Variants in AFG1L observed in about 807,000 individuals in gnomAD.
AFG1L encodes the protein AFG1-like ATPase.
A neutral mutation model predicts 62.2 loss-of-function variants in AFG1L; 53 were observed. That is an observed-to-expected ratio of 0.85 (90% CI 0.68 to 1.07). The LOEUF (loss-of-function observed/expected upper bound fraction) is 1.07. Among genes scored for constraint, AFG1L ranks in the 50% least tolerant of loss-of-function variants. The probability of loss-of-function intolerance (pLI) is 0.00; values close to 1 mark genes in which losing one functional copy is unlikely to be tolerated. For missense variants in AFG1L, 555 were observed against 590.5 expected, an observed-to-expected ratio of 0.94 and a Z score of 0.62; for synonymous variants, 228 against 210.3, an observed-to-expected ratio of 1.08 and a Z score of -0.73.
chr6:108,446,197 G>A (rs1316788455), intron 7 of AFG1L, among the ~76,000 whole-genome samples: 3 of 152,062 alleles, frequency 2.0e-5, no homozygotes, highest in Non-Finnish European at 4.4e-5. Context: ...AAGAATTTGG[G>A]ATGTGTGTGG....
intron 1 of AFG1L, among the ~76,000 whole-genome samples, chr6:108,322,603 G>A (rs756473232): frequency 1.3e-5 from 2 of 152,124 alleles, no homozygotes; most frequent in East Asian, 1.9e-4. Flanking sequence ...GAAGACAGCC[G>A]TCCCTATCTC....
At chr6:108,461,308 G>A (rs536266558) in intron 8 of AFG1L, among the ~76,000 whole-genome samples, 3 of 152,276 alleles carry the variant, frequency 2.0e-5, no homozygotes, top group South Asian at 4.1e-4. Flanking sequence ...GTAGATGCAC[G>A]GTAGTATCTT....
At chr6:108,331,695 T>C (rs1417998340) in intron 2 of AFG1L, among the ~76,000 whole-genome samples, 1 of 152,232 alleles carries the variant, frequency 6.6e-6, no homozygotes, top group Non-Finnish European at 1.5e-5. Context: ...GCATAAATGG[T>C]AAGTAGTTCA....
chr6:108,390,814 G>C (rs1373071163), intron 6 of AFG1L, among the ~76,000 whole-genome samples: 3 of 152,194 alleles, frequency 2.0e-5, no homozygotes, highest in Non-Finnish European at 4.4e-5. Context: ...CCTGGGTCAG[G>C]GACCTACTTG....
chr6:108,383,958 C>T (rs746153069), intron 6 of AFG1L, among the ~76,000 whole-genome samples: 22 of 151,522 alleles, frequency 1.5e-4, no homozygotes, highest in Admixed American at 4.0e-4. Context: ...AAACGAAAAC[C>T]TCTTCAGTAT....
chr6:108,383,545 GA>G lies in AFG1L; in HGVS notation c.748+17216del, dbSNP rs542676481. On this transcript the variant is annotated intron_variant, in intron 6 of 12. Transcript: ENST00000368977. ...ACTGAACTGTAGACTTAAAACTGAA[GA>G]AAGTGAAATCGGTCATGTAGGAAAA... is the stretch of plus-strand genomic sequence containing the variant. Among the ~76,000 whole-genome samples the G allele has an allele frequency of 1.2e-4, 19 of 152,216 alleles. No homozygotes were observed. The East Asian group carries it at 3.7e-3, about 29-fold the overall frequency.
chr6:108,348,164 C>T (rs1281549543), intron 3 of AFG1L, among the ~76,000 whole-genome samples: 3 of 152,090 alleles, frequency 2.0e-5, no homozygotes, highest in East Asian at 3.8e-4. Flanking sequence ...CTGCAAGCTC[C>T]GCCTCCCGGG....
At chr6:108,448,169 A>G (rs952611997) in intron 8 of AFG1L, among the ~76,000 whole-genome samples, 6 of 152,216 alleles carry the variant, frequency 3.9e-5, no homozygotes, top group African/African-American at 1.4e-4. Flanking sequence ...CAGTGTACCA[A>G]GGGGACTATT....
chr6:108,515,238 T>C (rs1042963240), intron 11 of AFG1L, among the ~76,000 whole-genome samples: 1 of 152,176 alleles, frequency 6.6e-6, no homozygotes, highest in African/African-American at 2.4e-5. Context: ...ATTGACCACA[T>C]AGTTGGAAGT....
chr6:108,476,533 A>G (rs1773111401), intron 8 of AFG1L, among the ~76,000 whole-genome samples: 1 of 152,084 alleles, frequency 6.6e-6, no homozygotes, highest in Admixed American at 6.5e-5. Flanking sequence ...TGCCTTGTCT[A>G]TTTGCTCTTG....
intron 8 of AFG1L, among the ~76,000 whole-genome samples, chr6:108,449,190 T>A (rs1771947028): frequency 6.6e-6 from 1 of 151,186 alleles, no homozygotes; most frequent in African/African-American, 2.4e-5. Flanking sequence ...TGTATACATA[T>A]ACACTTACAT....
rs1195948033 is a variant in AFG1L, at chr6:108,323,905, G to A, written c.220G>A (p.Gly74Arg). 4.3e-6 allele frequency: 7 copies of A among 1,613,992 alleles called. No individual in the cohort carries two copies. Among genetic ancestry groups the A allele is most frequent in the Non-Finnish European group, 5.9e-6 (7 of 1,180,014 alleles). Residue 74 changes from glycine (G) to arginine (R), a missense_variant, in exon 2 of 13, where the codon GGA (glycine) becomes AGA (arginine). Physicochemically the swap from Gly to Arg is moderately radical, Grantham distance 125 (BLOSUM62 -2). Coordinates refer to ENST00000368977, the MANE Select transcript of AFG1L (RefSeq NM_145315.5). ...TTTGAAAGCTTTGGCCGTTTGCCAT[G>A]GACCTCTGGACCACTATGATTTTCT... ...TYLKALAVCH[G>R]PLDHYDFLIK...
At chr6:108,450,673 C>T (rs1772014721) in intron 8 of AFG1L, among the ~76,000 whole-genome samples, 1 of 151,964 alleles carries the variant, frequency 6.6e-6, no homozygotes, top group African/African-American at 2.4e-5. Flanking sequence ...AAGTCCTTGC[C>T]CATGCCTATG....
At chr6:108,514,200 G>A (rs546775858) in intron 11 of AFG1L, among the ~76,000 whole-genome samples, 25 of 152,266 alleles carry the variant, frequency 1.6e-4, no homozygotes, top group Non-Finnish European at 2.9e-4. Context: ...CTAAAAATCA[G>A]AGCGCCTCTC....
At chr6:108,348,930 A>G (rs983688582) in intron 3 of AFG1L, among the ~76,000 whole-genome samples, 1 of 152,218 alleles carries the variant, frequency 6.6e-6, no homozygotes, top group African/African-American at 2.4e-5. Flanking sequence ...AAACCCTATG[A>G]ATGTTGTTGG....
intron 1 of AFG1L, chr6:108,295,848 T>C (rs1776749504): frequency 2.6e-5 from 4 of 152,234 alleles, no homozygotes; most frequent in Admixed American, 6.5e-5. Context: ...GCTCTATTCA[T>C]GTATTCGCAC....
intron 11 of AFG1L, among the ~76,000 whole-genome samples, chr6:108,512,184 T>C (rs928222): frequency 0.9 from 136,635 of 152,262 alleles, 61,620 homozygotes; most frequent in East Asian, 1. Context: ...TTCTTATAAA[T>C]GCTGAGAAGA....
intron 6 of AFG1L, among the ~76,000 whole-genome samples, chr6:108,394,800 A>C (rs1781218788): frequency 6.6e-6 from 1 of 152,236 alleles, no homozygotes; most frequent in Non-Finnish European, 1.5e-5. Context: ...ATTTATGAAC[A>C]AAGCTGATGT....
intron 10 of AFG1L, among the ~76,000 whole-genome samples, chr6:108,506,633 A>C (rs957756851): frequency 4.6e-5 from 7 of 151,746 alleles, no homozygotes; most frequent in African/African-American, 1.7e-4. Context: ...TCAGGTTCCC[A>C]AAGTGCTGAG....
Sources: allele counts gnomAD v4.1 joint callset (sites outside exome capture counted in the v4.1 genomes callset), GRCh38; gene constraint gnomAD v4.1.1; transcripts MANE v1.5; gene names NCBI Gene and HGNC (gene_info 2026-07-23, HGNC 2026-07-21).